Variants in NRXN3 observed in about 807,000 individuals in gnomAD.
The protein encoded by NRXN3 is neurexin 3, also known as neurexin III.
In NRXN3, 32 loss-of-function variants were observed where a neutral mutation model predicts 137.6. The ratio of observed to expected loss-of-function variants is 0.23; its 90% CI spans 0.18 to 0.31. NRXN3 has a LOEUF of 0.31. NRXN3 is among the 10% of genes least tolerant of loss of function. NRXN3 has a pLI of 1.00. For synonymous variants in NRXN3, 798 were observed against 784.5 expected (o/e 1.02, Z -0.29); for missense variants, 1,574 against 2,062.5 (o/e 0.76, Z 4.59).
At chr14:78,481,651 T>C (rs2095475282) in intron 4 of NRXN3, among the ~76,000 whole-genome samples, 1 of 152,212 alleles carries the variant, frequency 6.6e-6, no homozygotes. Flanking sequence ...AGGTATTCTT[T>C]ATGGAAAATC....
At chr14:79,838,044 T>C (rs1021837045) in intron 20 of NRXN3, among the ~76,000 whole-genome samples, 1 of 152,148 alleles carries the variant, frequency 6.6e-6, no homozygotes, top group Non-Finnish European at 1.5e-5. Flanking sequence ...TCCTAGTGAG[T>C]TGCTTACATA....
intron 4 of NRXN3, among the ~76,000 whole-genome samples, chr14:78,337,052 T>C (rs1256768555): frequency 1.3e-5 from 2 of 152,208 alleles, no homozygotes; most frequent in African/African-American, 4.8e-5. Context: ...ATTTTTTTTG[T>C]ATTTTCTAGA....
chr14:78,235,023 T>TATATATAA (rs61371349), intron 1 of NRXN3, among the ~76,000 whole-genome samples: 6 of 98,706 alleles, frequency 6.1e-5, no homozygotes, highest in African/African-American at 2.7e-4. Flanking sequence ...TATATATATA[T>TATATATAA]GTGTATATAT....
intron 15 of NRXN3, among the ~76,000 whole-genome samples, chr14:78,996,261 C>T (rs1041021045): frequency 5.3e-5 from 8 of 152,204 alleles, no homozygotes; most frequent in South Asian, 2.1e-4. Flanking sequence ...TTAAACCCCA[C>T]GGCAACCCTA....
chr14:78,946,858 A>G (rs892508011), intron 10 of NRXN3, among the ~76,000 whole-genome samples: 1 of 152,166 alleles, frequency 6.6e-6, no homozygotes, highest in Non-Finnish European at 1.5e-5. Flanking sequence ...AAGGGGAAAC[A>G]AATACATTTG....
At position 78,841,114 on chromosome 14, in the gene NRXN3, GT is replaced by G. The variant is rs559556860; in HGVS notation, c.2275+30776del. On this transcript the variant is annotated intron_variant, in intron 10 of 20. Coordinates refer to ENST00000335750, the MANE Select transcript of NRXN3 (RefSeq NM_001330195.2). ...TTACTCCTAATTTAAGAGTCTGAGTGTTTTTTCAAGATTCCTATCATGTCAC... is the reference window on the plus strand; with the variant it reads ...TTACTCCTAATTTAAGAGTCTGAGTGTTTTTCAAGATTCCTATCATGTCAC... Among the ~76,000 whole-genome samples the G allele has an allele frequency of 1.3e-3, 192 of 152,186 alleles. 2 individuals are homozygous for G. In the South Asian group the frequency reaches 0.014, roughly 11 times the overall value.
intron 4 of NRXN3, among the ~76,000 whole-genome samples, chr14:78,477,198 C>G (rs17107714): frequency 0.039 from 5,874 of 152,222 alleles, 338 homozygotes; most frequent in East Asian, 0.31. Context: ...TCTGTGCTGT[C>G]TGGAGAATCA....
At chr14:79,001,045 G>T (rs2099540345) in intron 15 of NRXN3, among the ~76,000 whole-genome samples, 1 of 152,094 alleles carries the variant, frequency 6.6e-6, no homozygotes, top group Non-Finnish European at 1.5e-5. Context: ...TTTGCATTTA[G>T]TTATATTTGG....
intron 19 of NRXN3, among the ~76,000 whole-genome samples, chr14:79,759,704 C>G (rs985042353): frequency 1.3e-5 from 2 of 151,486 alleles, no homozygotes; most frequent in African/African-American, 4.9e-5. Context: ...AGTTTTTACC[C>G]AAGCTTGGTA....
At chr14:79,294,653 T>C (rs1225207334) in intron 15 of NRXN3, among the ~76,000 whole-genome samples, 6 of 152,170 alleles carry the variant, frequency 3.9e-5, no homozygotes, top group Non-Finnish European at 5.9e-5. Context: ...CTGTATGACC[T>C]AGAATCTTGT....
chr14:79,223,576 T>C (rs568439783), intron 15 of NRXN3, among the ~76,000 whole-genome samples: 1 of 152,234 alleles, frequency 6.6e-6, no homozygotes, highest in African/African-American at 2.4e-5. Flanking sequence ...ATCACATTTC[T>C]TATAAGAAAA....
Position 79,358,446 on chromosome 14 carries a change from C to T in NRXN3, c.3263-108775C>T, listed in dbSNP as rs537315557. Among the ~76,000 whole-genome samples the T allele has an allele frequency of 7.1e-4, 107 of 150,768 alleles. 1 individual carries two copies. Among genetic ancestry groups the T allele is most frequent in the African/African-American group, 2.5e-3 (104 of 41,094 alleles). On this transcript the variant is annotated intron_variant, in intron 15 of 20. Coordinates refer to ENST00000335750, the MANE Select transcript of NRXN3 (RefSeq NM_001330195.2). ...AAAATCAGCCAGGCATGGTGGCGGG[C>T]GCCTGTAGTCCCAGCTGCTCCGGAG... is the stretch of plus-strand genomic sequence containing the variant.
Position 78,336,958 on chromosome 14 carries a change from T to C in NRXN3, c.757+39098T>C, listed in dbSNP as rs1403388952. On this transcript the variant is annotated intron_variant, in intron 4 of 20. Coordinates refer to ENST00000335750, the MANE Select transcript of NRXN3 (RefSeq NM_001330195.2). ...ATTTTGGTAGACTTTGGATCATCTG[T>C]ATGTTTATAGCACAGGTCCTCTCTG... Among the ~76,000 whole-genome samples, 3 of 152,194 alleles carry C rather than the reference T, an allele frequency of 2.0e-5. No individual in the cohort carries two copies. The East Asian group carries it at 5.8e-4, about 29-fold the overall frequency.
intron 16 of NRXN3, among the ~76,000 whole-genome samples, chr14:79,548,155 T>C (rs1027536852): frequency 6.6e-6 from 1 of 152,132 alleles, no homozygotes; most frequent in Non-Finnish European, 1.5e-5. Flanking sequence ...ATCATCTACA[T>C]TAGGTATTTC....
chr14:79,835,758 C>T (rs2099339968), intron 20 of NRXN3, among the ~76,000 whole-genome samples: 1 of 152,160 alleles, frequency 6.6e-6, no homozygotes, highest in Non-Finnish European at 1.5e-5. Context: ...TATTTATCTT[C>T]ATAAGCAAAG....
chr14:78,220,948 A>C (rs2063792162), intron 1 of NRXN3, among the ~76,000 whole-genome samples: 1 of 152,072 alleles, frequency 6.6e-6, no homozygotes, highest in Admixed American at 6.6e-5. Context: ...GAAGAGCTGG[A>C]GAAGGGAGCA....
At chr14:79,139,877 T>C (rs2058629804) in intron 15 of NRXN3, among the ~76,000 whole-genome samples, 1 of 151,212 alleles carries the variant, frequency 6.6e-6, no homozygotes, top group Non-Finnish European at 1.5e-5. Context: ...AAAGGCTTTC[T>C]TGGAAATATG....
chr14:79,150,961 A>G (rs1048192562), intron 15 of NRXN3, among the ~76,000 whole-genome samples: 2 of 152,046 alleles, frequency 1.3e-5, no homozygotes, highest in African/African-American at 2.4e-5. Flanking sequence ...ACAAAATTAA[A>G]TGGAACTAGT....
chr14:78,639,804 T>C (rs2097602986), intron 4 of NRXN3, among the ~76,000 whole-genome samples: 2 of 152,084 alleles, frequency 1.3e-5, no homozygotes, highest in African/African-American at 4.8e-5. Flanking sequence ...CGTAGTACCT[T>C]GTATGACCCC....
Sources: allele counts gnomAD v4.1 joint callset (sites outside exome capture counted in the v4.1 genomes callset), GRCh38; gene constraint gnomAD v4.1.1; transcripts MANE v1.5; gene names NCBI Gene and HGNC (gene_info 2026-07-23, HGNC 2026-07-21).